The following SNTG2 variants were observed in gnomAD, a reference collection of about 807,000 sequenced individuals.
SNTG2 encodes the protein gamma-2-syntrophin.
SNTG2 carries 74 observed loss-of-function variants against 70.9 expected under a neutral mutation model. That is an observed-to-expected ratio of 1.04 (90% CI 0.86 to 1.27). The LOEUF (loss-of-function observed/expected upper bound fraction) is 1.27. Ranked by LOEUF, SNTG2 falls within the 50% of genes most tolerant of loss-of-function variation. The pLI is 0.00. For synonymous variants in SNTG2, 278 were observed against 273.8 expected (o/e 1.02, Z -0.15); for missense variants, 717 against 690.7 (o/e 1.04, Z -0.43).
intron 15 of SNTG2, among the ~76,000 whole-genome samples, chr2:1,312,247 AC>A (rs1681031326): frequency 6.6e-6 from 1 of 152,116 alleles, no homozygotes; most frequent in Non-Finnish European, 1.5e-5. Context: ...ATAAACTAGA[AC>A]ACCCCCTAGC....
chr2:1,051,166 C>CTTCCTCCCTCCCTCCTTCCT (rs1553314810), intron 1 of SNTG2, among the ~76,000 whole-genome samples: 3,307 of 138,528 alleles, frequency 0.024, 93 homozygotes, highest in Middle Eastern at 0.069. Context: ...CTCCCCCTTT[C>CTTCCTCCCTCCCTCCTTCCT]TTCCTCCCTC....
intron 14 of SNTG2, among the ~76,000 whole-genome samples, chr2:1,279,012 A>G (rs1047931288): frequency 3.6e-5 from 3 of 83,292 alleles, no homozygotes; most frequent in African/African-American, 1.1e-4. Flanking sequence ...TGCGTGAATA[A>G]CCGCTGTCTG....
chr2:1,167,491 G>C (rs1194206380), intron 7 of SNTG2, among the ~76,000 whole-genome samples: 72 of 71,548 alleles, frequency 1.0e-3, no homozygotes, highest in Admixed American at 1.5e-3. Context: ...CTGAAGCCTA[G>C]AAGCCGCCCA....
chr2:1,361,463 G>A (rs938066615), intron 16 of SNTG2, among the ~76,000 whole-genome samples: 6 of 152,124 alleles, frequency 3.9e-5, no homozygotes, highest in African/African-American at 9.7e-5. Context: ...AAAGTATCCC[G>A]CCTTCTTCAA....
At chr2:1,095,566 G>T (rs1665337214) in intron 2 of SNTG2, among the ~76,000 whole-genome samples, 1 of 152,020 alleles carries the variant, frequency 6.6e-6, no homozygotes, top group Non-Finnish European at 1.5e-5. Flanking sequence ...TTTACCACAG[G>T]TGATCAGTTT....
At chr2:1,176,816 T>C (rs1380870940) in intron 8 of SNTG2, among the ~76,000 whole-genome samples, 2 of 152,052 alleles carry the variant, frequency 1.3e-5, no homozygotes, top group Non-Finnish European at 2.9e-5. Context: ...GTCAGAATGG[T>C]GATCATTAAA....
chr2:1,227,318 T>C (rs1217429519), intron 9 of SNTG2, among the ~76,000 whole-genome samples: 1 of 152,226 alleles, frequency 6.6e-6, no homozygotes, highest in Non-Finnish European at 1.5e-5. Flanking sequence ...CTTTCCAGGG[T>C]AGGAAGGATT....
At chr2:1,141,589 C>A (rs1174062533) in intron 6 of SNTG2, among the ~76,000 whole-genome samples, 1 of 152,140 alleles carries the variant, frequency 6.6e-6, no homozygotes, top group Non-Finnish European at 1.5e-5. Flanking sequence ...AAGAGGCAAT[C>A]GAAAGAAATG....
chr2:1,360,410 G>C (rs1323221301), intron 16 of SNTG2, among the ~76,000 whole-genome samples: 1 of 152,170 alleles, frequency 6.6e-6, no homozygotes, highest in African/African-American at 2.4e-5. Flanking sequence ...AGCCTGTTCA[G>C]GAGAGCTCTC....
chr2:991,229 A>G (rs1238805143), intron 1 of SNTG2, among the ~76,000 whole-genome samples: 2 of 152,154 alleles, frequency 1.3e-5, no homozygotes, highest in African/African-American at 4.8e-5. Context: ...CTGAAAGTCT[A>G]TGTATTAATG....
chr2:1,299,290 T>C (rs974721702), intron 14 of SNTG2, among the ~76,000 whole-genome samples: 13 of 152,150 alleles, frequency 8.5e-5, no homozygotes, highest in Admixed American at 1.3e-4. Context: ...GCAAACCAAG[T>C]GGCTTAAAAC....
At chr2:1,239,682 T>G in intron 10 of SNTG2, 56 bp from the exon 11 acceptor site, 281 of 1,580,548 alleles carry the variant, frequency 1.8e-4, no homozygotes, top group Non-Finnish European at 2.2e-4. Context: ...GTCACTCAGG[T>G]GAGCCATCCT....
chr2:1,016,546 C>T (rs1199482719), intron 1 of SNTG2, among the ~76,000 whole-genome samples: 3 of 152,152 alleles, frequency 2.0e-5, no homozygotes. Context: ...CGGCCGACAA[C>T]TTTATTTCTT....
rs139543041 is a variant in SNTG2 at position 1,053,329 on chromosome 2, G to C, written c.73-30189G>C. Among the ~76,000 whole-genome samples the C allele has an allele frequency of 2.8e-4, 42 of 152,222 alleles. 1 individual carries two copies. In the East Asian group the frequency reaches 7.7e-3, roughly 28 times the overall value. On this transcript the variant is annotated intron_variant, in intron 1 of 16. Transcript: ENST00000308624. ...ATTAAAAGTTTTTTTTATTGAAGATGAAAGTTATTTTGGCAAAAATATCAA... is the reference window on the plus strand; with the variant it reads ...ATTAAAAGTTTTTTTTATTGAAGATCAAAGTTATTTTGGCAAAAATATCAA...
chr2:1,171,308 C>T (rs1447647100), intron 7 of SNTG2, among the ~76,000 whole-genome samples: 2 of 152,114 alleles, frequency 1.3e-5, no homozygotes, highest in African/African-American at 4.8e-5. Flanking sequence ...GACTATTTAC[C>T]TGTTAGCTCA....
At chr2:1,203,673 A>AAT (rs534989970) in intron 8 of SNTG2, among the ~76,000 whole-genome samples, 3,284 of 115,228 alleles carry the variant, frequency 0.029, 79 homozygotes, top group African/African-American at 0.054. Context: ...CAAAAAAAAA[A>AAT]ATATATATAT....
At chr2:1,224,130 C>G (rs1014211780) in intron 9 of SNTG2, among the ~76,000 whole-genome samples, 2 of 152,164 alleles carry the variant, frequency 1.3e-5, no homozygotes, top group Non-Finnish European at 2.9e-5. Context: ...CCCCGTCAGG[C>G]TGCACCCTCA....
intron 7 of SNTG2, among the ~76,000 whole-genome samples, chr2:1,170,104 A>G (rs185922479): frequency 2.6e-5 from 4 of 152,240 alleles, no homozygotes; most frequent in East Asian, 3.9e-4. Flanking sequence ...ATCACGGCAG[A>G]TCTGTGCGGA....
chr2:1,197,531 G>GTATGTATATA (rs1309765193), intron 8 of SNTG2, among the ~76,000 whole-genome samples: 2 of 146,462 alleles, frequency 1.4e-5, no homozygotes, highest in African/African-American at 5.4e-5. Context: ...GTGTGTGTGT[G>GTATGTATATA]TGTGTGTGTG....
Sources: gnomAD v4.1 joint callset for allele counts (sites outside exome capture counted in the v4.1 genomes callset) on GRCh38, gnomAD v4.1.1 for gene constraint, MANE v1.5 for transcripts, NCBI Gene and HGNC (gene_info 2026-07-23, HGNC 2026-07-21) for gene names.